The following STXBP3 variants were observed in gnomAD, a reference collection of about 807,000 sequenced individuals.
The protein encoded by STXBP3 is syntaxin binding protein 3.
In STXBP3, 41 loss-of-function variants were observed where a neutral mutation model predicts 85.7. The observed-to-expected ratio is 0.48, with a 90% CI of 0.37 to 0.62. The LOEUF (loss-of-function observed/expected upper bound fraction) is 0.62. Among genes scored for constraint, STXBP3 ranks in the 20% least tolerant of loss-of-function variants. The pLI is 0.00. For missense variants in STXBP3, 563 were observed against 703.1 expected (o/e 0.80, Z 2.25); for synonymous variants, 229 against 231.7 (o/e 0.99, Z 0.10).
chr1:108,765,711 C>T (rs921782442), intron 6 of STXBP3, among the ~76,000 whole-genome samples: 12 of 151,534 alleles, frequency 7.9e-5, no homozygotes, highest in African/African-American at 2.7e-4. Flanking sequence ...GCTGGGATTA[C>T]AGACACGTAC....
intron 9 of STXBP3, chr1:108,780,804 T>C (rs1662701480): frequency 9.7e-6 from 1 of 102,936 alleles, no homozygotes; most frequent in Admixed American, 8.6e-5. Flanking sequence ...AGTCTTACTC[T>C]GTCACCCAGG....
intron 7 of STXBP3, among the ~76,000 whole-genome samples, chr1:108,774,957 ATCCTGT>A (rs1230475597): frequency 6.9e-6 from 1 of 145,766 alleles, no homozygotes; most frequent in Non-Finnish European, 1.5e-5. Context: ...ATAATCTGTA[ATCCTGT>A]CTTTTAAAAT....
chr1:108,776,499 T>C, intron 8 of STXBP3, 76 bp downstream of exon 8: 1 of 1,100,242 alleles, frequency 9.1e-7, no homozygotes, highest in Non-Finnish European at 1.3e-6. Flanking sequence ...AACTTGCTCA[T>C]TCATTTTCTA....
chr1:108,807,600 A>C, intron 18 of STXBP3, 51 bp downstream of exon 18: 1 of 1,475,364 alleles, frequency 6.8e-7, no homozygotes, highest in African/African-American at 1.5e-5. Flanking sequence ...TTTTGAGACT[A>C]AGTCTCGGTC....
intron 7 of STXBP3, among the ~76,000 whole-genome samples, chr1:108,775,950 C>CAT (rs1025236821): frequency 1.2e-4 from 16 of 128,656 alleles, no homozygotes; most frequent in Middle Eastern, 3.7e-3. Context: ...CACACACACA[C>CAT]ACATACATAT....
chr1:108,794,865 T>C lies in STXBP3; in HGVS notation c.1068T>C (p.Asn356=). ...TTAACTTAGCAGAAGATTGCATGAATAAGTTCAAGCTTAATATAGAAAAGC... is the reference window on the plus strand; with the variant it reads ...TTAACTTAGCAGAAGATTGCATGAACAAGTTCAAGCTTAATATAGAAAAGC... ...VHLNLAEDCM[N]KFKLNIEKLC... is the part of the protein sequence containing the mutation. Residue 356 remains asparagine, a synonymous_variant, in exon 13 of 19, where the codon AAT becomes AAC. Transcript: ENST00000370008. The C allele has an allele frequency of 6.2e-7, 1 of 1,610,792 alleles. No homozygotes were observed. The highest frequency in any genetic ancestry group is 8.5e-7 in the Non-Finnish European group (1 of 1,178,218).
intron 1 of STXBP3, among the ~76,000 whole-genome samples, chr1:108,751,803 G>A (rs1487544203): frequency 6.6e-6 from 1 of 152,040 alleles, no homozygotes; most frequent in African/African-American, 2.4e-5. Flanking sequence ...GTATCCAAAT[G>A]CTGTGATATG....
intron 6 of STXBP3, among the ~76,000 whole-genome samples, chr1:108,768,483 A>G (rs1228250486): frequency 1.3e-5 from 2 of 152,138 alleles, no homozygotes; most frequent in Non-Finnish European, 2.9e-5. Flanking sequence ...GAAGAGGGAA[A>G]GAACCTAGGA....
At chr1:108,779,669 AACACAGGG>A (rs772986135) in intron 9 of STXBP3, 1 of 263,932 alleles carries the variant, frequency 3.8e-6, no homozygotes, top group Non-Finnish European at 7.0e-6. Context: ...GCTACATTTA[AACACAGGG>A]AATTTGGCCC....
Position 108,760,019 on chromosome 1 carries a change from T to G in STXBP3, c.372T>G (p.Ala124=). Residue 124 remains alanine (A), a synonymous_variant, in exon 6 of 19, where the codon GCT becomes GCG. Coordinates refer to ENST00000370008, the MANE Select transcript of STXBP3 (RefSeq NM_007269.4). ...CPDNLFNKIK[A]SCSKSIRRCK... ...ATAATCTCTTTAACAAAATTAAGGCTTCTTGCTCCAAGTCAATAAGAAGAT... is the reference window on the plus strand; with the variant it reads ...ATAATCTCTTTAACAAAATTAAGGCGTCTTGCTCCAAGTCAATAAGAAGAT... 1 of 1,580,056 alleles carries G rather than the reference T, an allele frequency of 6.3e-7. No homozygotes were observed.
intron 11 of STXBP3, among the ~76,000 whole-genome samples, chr1:108,791,622 TCTG>T (rs1475676664): frequency 2.0e-5 from 3 of 152,098 alleles, no homozygotes; most frequent in African/African-American, 7.2e-5. Context: ...TTGTATTCAG[TCTG>T]CTATTAAACC....
intron 1 of STXBP3, among the ~76,000 whole-genome samples, chr1:108,747,928 T>TA (rs1250492588): frequency 1.3e-5 from 2 of 152,254 alleles, no homozygotes; most frequent in Admixed American, 6.5e-5. Context: ...TAAATACATT[T>TA]ATGTGAAAAT....
chr1:108,773,272 G>T (rs1662507771), intron 7 of STXBP3, among the ~76,000 whole-genome samples: 1 of 152,026 alleles, frequency 6.6e-6, no homozygotes, highest in East Asian at 1.9e-4. Flanking sequence ...AATATACCTT[G>T]ACTTATATAC....
At chr1:108,771,380 A>AT (rs1557805387) in intron 6 of STXBP3, among the ~76,000 whole-genome samples, 4 of 109,380 alleles carry the variant, frequency 3.7e-5, no homozygotes, top group African/African-American at 1.0e-4. Context: ...ATATATATAT[A>AT]ATATATAAAT....
rs773742157 is a variant in STXBP3 at position 108,779,290 on chromosome 1, A to C, written c.689A>C (p.Lys230Thr). The part of the protein sequence containing the change: ...KIDEKSLIKG[K>T]THSQLLIIDR... ...GATTTTATCTTGTTATTCTAGGGTA[A>C]AACTCATTCACAGCTCTTAATAATT... Residue 230 changes from lysine (K) to threonine (T), a missense_variant, in exon 9 of 19, where the codon AAA (lysine) becomes ACA (threonine). Around this residue, in one of 3 missense-constraint regions of STXBP3, gnomAD observed 494 missense variants for 592.8 expected, o/e 0.83. Transcript: ENST00000370008. The C allele has an allele frequency of 6.2e-7, 1 of 1,610,998 alleles. No homozygotes were observed. The highest frequency in any genetic ancestry group is 8.5e-7 in the Non-Finnish European group (1 of 1,178,332).
Position 108,776,377 on chromosome 1 carries a change from A to G in STXBP3, c.638A>G (p.Lys213Arg), listed in dbSNP as rs1314791215. 6.2e-7 allele frequency: 1 copy of G among 1,609,678 alleles called. No homozygotes were observed. The highest frequency in any genetic ancestry group is 1.1e-5 in the South Asian group (1 of 90,606). The part of the protein sequence containing the change: ...NASKLAQLVE[K>R]KLEDYYKIDE... ...AGTAAGCTTGCACAGCTTGTTGAAA[A>G]AAAGCTTGAAGACTACTACAAGATT... The change falls in exon 8 of 19, where the codon AAA becomes AGA. Residue 213 changes from lysine to arginine, a missense_variant. By Grantham distance (26) the Lys-to-Arg change is conservative. This residue lies in a region of STXBP3 where 494 missense variants were observed against 592.8 expected (regional missense o/e 0.83). Coordinates refer to ENST00000370008, the MANE Select transcript of STXBP3 (RefSeq NM_007269.4).
At chr1:108,797,973 G>A (rs1663144419) in intron 15 of STXBP3, among the ~76,000 whole-genome samples, 172 bp from the exon 16 acceptor site, 1 of 152,156 alleles carries the variant, frequency 6.6e-6, no homozygotes, top group African/African-American at 2.4e-5. Context: ...ACTGTTCAGT[G>A]GAGTTATGCG....
rs1012760967 is a variant in STXBP3 at position 108,746,806 on chromosome 1, G to A, written c.49+20G>A. 2 of 1,545,750 alleles carry A rather than the reference G, an allele frequency of 1.3e-6. No individual in the cohort carries two copies. The highest frequency in any genetic ancestry group is 2.0e-5 in the Admixed American group (1 of 50,604). On this transcript the variant is annotated intron_variant, in intron 1 of 18. Coordinates refer to ENST00000370008, the MANE Select transcript of STXBP3 (RefSeq NM_007269.4). ...GGCAGAGTGAGTGCGGTGGGGTAGG[G>A]GTTGAGAGAGGGAAGGCCGGGAGGC... is the stretch of plus-strand genomic sequence containing the variant.
intron 17 of STXBP3, among the ~76,000 whole-genome samples, chr1:108,805,121 T>C (rs1415065098): frequency 2.0e-5 from 3 of 152,348 alleles, no homozygotes; most frequent in Non-Finnish European, 2.9e-5. Context: ...AAATTAAATA[T>C]AATCCCGTTA....
Sources: allele counts gnomAD v4.1 joint callset (sites outside exome capture counted in the v4.1 genomes callset), GRCh38; gene constraint gnomAD v4.1.1; regional missense constraint gnomAD v4.1.1; transcripts MANE v1.5; gene names NCBI Gene and HGNC (gene_info 2026-07-23, HGNC 2026-07-21).